Variants in ABCB4 observed in about 807,000 individuals in gnomAD.
ABCB4 encodes ATP binding cassette subfamily B member 4.
In ABCB4, 76 loss-of-function variants were observed where a neutral mutation model predicts 145.7. That is an observed-to-expected ratio of 0.52 (90% CI 0.43 to 0.63). The LOEUF (loss-of-function observed/expected upper bound fraction) is 0.63, where lower values mean the gene tolerates loss of function less well. Ranked by LOEUF, ABCB4 falls within the 30% of genes least tolerant of loss-of-function variation. The probability of loss-of-function intolerance (pLI) is 0.00; values close to 1 mark genes in which losing one functional copy is unlikely to be tolerated. For synonymous variants in ABCB4, 517 were observed against 566.8 expected (o/e 0.91, Z 1.25); for missense variants, 1,234 against 1,553.1 (o/e 0.79, Z 3.45).
At chr7:87,423,012 T>A in intron 17 of ABCB4, among the ~76,000 whole-genome samples, 1 of 152,250 alleles carries the variant, frequency 6.6e-6, no homozygotes, top group Non-Finnish European at 1.5e-5. Context: ...AGAGCTTGCT[T>A]TGTTTTGAAA....
At chr7:87,421,273 C>T (rs1251042407) in intron 18 of ABCB4, among the ~76,000 whole-genome samples, 3 of 152,154 alleles carry the variant, frequency 2.0e-5, no homozygotes, top group Non-Finnish European at 4.4e-5. Context: ...ATGATCAGTG[C>T]ACCCAGTGAA....
At chr7:87,395,639 A>G in the ABCB4 span, among the ~76,000 whole-genome samples, 6 of 152,358 alleles carry the variant, frequency 3.9e-5, no homozygotes, top group Admixed American at 3.9e-4. Context: ...GCCTGGACCA[A>G]TGATAACCTT....
At chr7:87,465,644 A>G (rs746451571) in intron 3 of ABCB4, among the ~76,000 whole-genome samples, 6 of 152,196 alleles carry the variant, frequency 3.9e-5, no homozygotes, top group Non-Finnish European at 8.8e-5. Flanking sequence ...ACTGGGAGGC[A>G]CCACCCAGTA....
At chr7:87,430,641 C>T (rs915693683) in intron 15 of ABCB4, among the ~76,000 whole-genome samples, 1 of 152,062 alleles carries the variant, frequency 6.6e-6, no homozygotes, top group Non-Finnish European at 1.5e-5. Context: ...TCTCCTGCCT[C>T]AGCCTCCAAA....
At chr7:87,382,441 C>T in the ABCB4 span, 1 of 1,613,714 alleles carries the variant, frequency 6.2e-7, no homozygotes, top group East Asian at 2.2e-5. Flanking sequence ...GCGGCTTATG[C>T]CTTTACATCT....
the ABCB4 span, among the ~76,000 whole-genome samples, chr7:87,376,940 A>G: frequency 1.3e-5 from 2 of 152,156 alleles, no homozygotes; most frequent in South Asian, 4.1e-4. Context: ...GCCAAAGTAT[A>G]CAGTTTGAAA....
At chr7:87,472,726 A>C (rs746429572) in intron 2 of ABCB4, 51 bp from the exon 3 acceptor site, 41 of 1,259,276 alleles carry the variant, frequency 3.3e-5, no homozygotes, top group Middle Eastern at 2.0e-4. Flanking sequence ...AATGTTTTAC[A>C]ATCAATTGAA....
At chr7:87,447,887 G>A (rs1039308800) in intron 8 of ABCB4, among the ~76,000 whole-genome samples, 4 of 152,180 alleles carry the variant, frequency 2.6e-5, no homozygotes, top group African/African-American at 9.6e-5. Context: ...AGATAATTGT[G>A]AGGTTGGTAG....
At chr7:87,398,319 G>A (rs1384205561), downstream of ABCB4, 1 of 689,656 alleles carries the variant, frequency 1.5e-6, no homozygotes, top group South Asian at 1.5e-5. Context: ...GTCCCTAGGT[G>A]CTAGTCATCT....
the ABCB4 span, chr7:87,393,072 G>A: frequency 6.2e-7 from 1 of 1,611,040 alleles, no homozygotes; most frequent in East Asian, 2.2e-5. Flanking sequence ...TGACAGGTGA[G>A]GCTTCTCTTT....
At chr7:87,445,326 G>A (rs373412342) in intron 9 of ABCB4, among the ~76,000 whole-genome samples, 24 of 152,142 alleles carry the variant, frequency 1.6e-4, no homozygotes, top group Admixed American at 6.5e-4. Flanking sequence ...TTACATAGAC[G>A]GTTCAATATA....
intron 5 of ABCB4, among the ~76,000 whole-genome samples, chr7:87,453,576 TAACA>T (rs1002242954): frequency 1.3e-5 from 2 of 152,018 alleles, no homozygotes; most frequent in African/African-American, 4.8e-5. Flanking sequence ...TAGGACATTA[TAACA>T]AACAGACATT....
intron 9 of ABCB4, among the ~76,000 whole-genome samples, chr7:87,446,411 A>ATG (rs1402439891): frequency 1.3e-5 from 2 of 152,342 alleles, no homozygotes; most frequent in East Asian, 3.9e-4. Flanking sequence ...AAAGAAAACA[A>ATG]TGTGTATATA....
chr7:87,460,409 C>T (rs761498274), intron 4 of ABCB4, among the ~76,000 whole-genome samples: 3 of 151,930 alleles, frequency 2.0e-5, no homozygotes, highest in Non-Finnish European at 4.4e-5. Flanking sequence ...AGCATAATAC[C>T]TAGTATTTGG....
rs1035643601 is a variant in ABCB4, at chr7:87,403,498, TAGG to T, written c.3487-220_3487-218del. 1.9e-4 allele frequency: 107 copies of T among 558,304 alleles called. 1 individual carries two copies. Among genetic ancestry groups the T allele is most frequent in the Non-Finnish European group, 8.3e-5 (26 of 314,532 alleles). The allele number at this position is 558,304 out of a possible 1,614,324, so 34.6% of individuals were successfully genotyped here. ...ATCTTATAATTAACTTTCTTTAAAA[TAGG>T]AGGAGGATACTCTAAAATAACAAAT... On this transcript the variant is annotated intron_variant, in intron 26 of 27. Transcript: ENST00000649586.
Position 87,447,070 on chromosome 7 carries a change from G to C in ABCB4, c.969C>G (p.Val323=), listed in dbSNP as rs754961007. Residue 323 remains valine (V), a synonymous_variant, in exon 9 of 28, where the codon GTC becomes GTG. Coordinates refer to ENST00000649586, the MANE Select transcript of ABCB4 (RefSeq NM_000443.4). ...TTCCAATAGTATATTCTTTTGATAT[G>C]ACTAGAGTGGATCCATACCAGAAGG... ...ALAFWYGSTL[V]ISKEYTIGNA... is the part of the protein sequence containing the mutation. The C allele has an allele frequency of 1.9e-6, 3 of 1,613,496 alleles. No homozygotes were observed. The Admixed American group carries it at 5.0e-5, about 27-fold the overall frequency.
intron 4 of ABCB4, among the ~76,000 whole-genome samples, chr7:87,459,632 G>A (rs953886980): frequency 4.0e-5 from 6 of 151,354 alleles, no homozygotes; most frequent in Middle Eastern, 3.4e-3. Flanking sequence ...AGGTGTATAC[G>A]TCAACAGTTA....
chr7:87,413,722 AAC>A lies in ABCB4; in HGVS notation c.2683-7_2683-6del. On this transcript the variant is annotated splice_region_variant and splice_polypyrimidine_tract_variant and intron_variant, in intron 21 of 27. Transcript: ENST00000649586. ...TTCTATTGCCTCTGTTGCAATCTGT[AAC>A]ACAGAATAGACCTTCATTAGAAGTG... 1.9e-6 allele frequency: 3 copies of A among 1,567,060 alleles called. No homozygotes were observed. Among genetic ancestry groups the A allele is most frequent in the Non-Finnish European group, 2.6e-6 (3 of 1,137,554 alleles).
chr7:87,403,633 G>A (rs552315240), intron 26 of ABCB4, among the ~76,000 whole-genome samples: 1 of 152,202 alleles, frequency 6.6e-6, no homozygotes, highest in South Asian at 2.1e-4. Context: ...CAGTGCAGTC[G>A]CTTTGTTATG....
Sources: gnomAD v4.1 joint callset for allele counts (sites outside exome capture counted in the v4.1 genomes callset) on GRCh38, gnomAD v4.1.1 for gene constraint, MANE v1.5 for transcripts, NCBI Gene and HGNC (gene_info 2026-07-23, HGNC 2026-07-21) for gene names.